CTNNA2: variants seen among roughly 807,000 people sequenced by gnomAD.
CTNNA2 encodes the protein catenin alpha 2.
Under a neutral mutation model 101.0 loss-of-function variants are expected in CTNNA2, and 42 were observed. The observed-to-expected ratio is 0.42, with a 90% confidence interval of 0.32 to 0.54. The LOEUF (loss-of-function observed/expected upper bound fraction) is 0.54. Ranked by LOEUF, CTNNA2 falls within the 20% of genes least tolerant of loss-of-function variation. The probability of loss-of-function intolerance (pLI) is 0.14; values close to 1 mark genes in which losing one functional copy is unlikely to be tolerated. For missense variants in CTNNA2, 871 were observed against 1,223.1 expected (o/e 0.71, Z 4.29); for synonymous variants, 450 against 456.4 (o/e 0.99, Z 0.18).
chr2:79,562,334 A>G (rs2104138804), intron 1 of CTNNA2, among the ~76,000 whole-genome samples: 1 of 152,138 alleles, frequency 6.6e-6, no homozygotes, highest in Admixed American at 6.6e-5. Flanking sequence ...GTAAATTTTG[A>G]AATAACTCTT....
At chr2:79,976,757 A>G (rs900509356) in intron 7 of CTNNA2, among the ~76,000 whole-genome samples, 2 of 152,186 alleles carry the variant, frequency 1.3e-5, no homozygotes, top group Admixed American at 6.5e-5. Flanking sequence ...TTCCTTGGTG[A>G]AGGTGTTTGC....
chr2:80,036,068 A>G (rs1558748227), intron 7 of CTNNA2, among the ~76,000 whole-genome samples: 3 of 152,214 alleles, frequency 2.0e-5, no homozygotes, highest in African/African-American at 7.2e-5. Flanking sequence ...TCAGGGTTTG[A>G]GGAACTGGGG....
At chr2:79,242,718 A>G (rs1173331254) in intron 2 of CTNNA2, among the ~76,000 whole-genome samples, 1 of 152,104 alleles carries the variant, frequency 6.6e-6, no homozygotes, top group African/African-American at 2.4e-5. Context: ...CTATAATCTC[A>G]GCACCGTGGG....
At chr2:79,589,360 A>G (rs1676697321) in intron 1 of CTNNA2, among the ~76,000 whole-genome samples, 1 of 152,228 alleles carries the variant, frequency 6.6e-6, no homozygotes, top group Non-Finnish European at 1.5e-5. Flanking sequence ...CGTAAAAGAA[A>G]TAATTGGTCA....
chr2:79,892,271 T>C lies in CTNNA2; in HGVS notation c.853-17323T>C, dbSNP rs1342818763. ...GCTTGCTAGTTTTGCCTAGTTTAAG[T>C]ATTAATTTAATGGAAGGCTATGTAT... On this transcript the variant is annotated intron_variant, in intron 6 of 18. Coordinates refer to ENST00000402739, the MANE Select transcript of CTNNA2 (RefSeq NM_001282597.3). Among the ~76,000 whole-genome samples, 5 of 152,192 alleles carry C rather than the reference T, an allele frequency of 3.3e-5. No individual in the cohort carries two copies. In the East Asian group the frequency reaches 9.6e-4, roughly 29 times the overall value.
intron 2 of CTNNA2, among the ~76,000 whole-genome samples, chr2:79,734,311 T>G (rs766297680): frequency 2.6e-5 from 4 of 152,160 alleles, no homozygotes; most frequent in Non-Finnish European, 4.4e-5. Flanking sequence ...TAGGATAACC[T>G]AGGTTGGCAA....
At chr2:79,835,639 T>C (rs1043098187) in intron 3 of CTNNA2, among the ~76,000 whole-genome samples, 4 of 150,546 alleles carry the variant, frequency 2.7e-5, no homozygotes, top group Non-Finnish European at 5.9e-5. Flanking sequence ...CCTTGCCACT[T>C]TCTGTGCTGC....
At chr2:80,060,082 T>G (rs1484467) in intron 7 of CTNNA2, among the ~76,000 whole-genome samples, 3,434 of 152,320 alleles carry the variant, frequency 0.023, 131 homozygotes, top group African/African-American at 0.079. Flanking sequence ...AGAATGAGCA[T>G]GGGAGAGTCA....
At chr2:79,231,265 C>T (rs1400662256) in intron 2 of CTNNA2, among the ~76,000 whole-genome samples, 2 of 152,182 alleles carry the variant, frequency 1.3e-5, no homozygotes, top group African/African-American at 4.8e-5. Context: ...TGGGGGGTAA[C>T]TGAATCATGG....
At chr2:80,203,966 G>T (rs2149022667) in intron 7 of CTNNA2, among the ~76,000 whole-genome samples, 1 of 152,316 alleles carries the variant, frequency 6.6e-6, no homozygotes, top group East Asian at 1.9e-4. Context: ...TGTGGAAGCT[G>T]CCAAGGCTTG....
At chr2:80,410,335 C>G (rs1335229271) in intron 8 of CTNNA2, among the ~76,000 whole-genome samples, 1 of 152,214 alleles carries the variant, frequency 6.6e-6, no homozygotes, top group Non-Finnish European at 1.5e-5. Flanking sequence ...GATCTATTGA[C>G]TGCATTCCTT....
At chr2:79,856,843 A>G (rs1026943715) in intron 3 of CTNNA2, among the ~76,000 whole-genome samples, 2 of 152,154 alleles carry the variant, frequency 1.3e-5, no homozygotes, top group Admixed American at 1.3e-4. Flanking sequence ...TCCTTGGTCC[A>G]GGCTCTCACC....
At chr2:80,517,755 T>C (rs1689215288) in intron 9 of CTNNA2, among the ~76,000 whole-genome samples, 1 of 152,190 alleles carries the variant, frequency 6.6e-6, no homozygotes, top group South Asian at 2.1e-4. Context: ...ATCGTTTTAA[T>C]AACATTGGAG....
intron 5 of CTNNA2, 98 bp downstream of exon 5, chr2:79,870,033 G>A (rs923541664): frequency 7.0e-7 from 1 of 1,427,270 alleles, no homozygotes; most frequent in Non-Finnish European, 9.5e-7. Context: ...GCATCTGCTT[G>A]CTATCAAATG....
chr2:80,526,894 C>A (rs1690087237), intron 9 of CTNNA2, among the ~76,000 whole-genome samples: 1 of 152,166 alleles, frequency 6.6e-6, no homozygotes, highest in Non-Finnish European at 1.5e-5. Flanking sequence ...AAGAATCCTG[C>A]AAGAACTATG....
At chr2:80,562,014 C>A (rs1693647104) in intron 12 of CTNNA2, among the ~76,000 whole-genome samples, 1 of 151,864 alleles carries the variant, frequency 6.6e-6, no homozygotes, top group African/African-American at 2.4e-5. Flanking sequence ...AGGAGGTAGC[C>A]AAGTGGTTAA....
At chr2:80,222,799 G>A (rs1471731542) in intron 7 of CTNNA2, among the ~76,000 whole-genome samples, 4 of 152,108 alleles carry the variant, frequency 2.6e-5, no homozygotes, top group Non-Finnish European at 5.9e-5. Context: ...TCCCACCAAA[G>A]CACCTTCTTA....
chr2:80,490,681 C>T (rs1257316847), intron 9 of CTNNA2, among the ~76,000 whole-genome samples: 1 of 152,032 alleles, frequency 6.6e-6, no homozygotes, highest in Non-Finnish European at 1.5e-5. Context: ...ACCTATAGTA[C>T]ATTTTCTAAA....
intron 2 of CTNNA2, among the ~76,000 whole-genome samples, chr2:79,669,600 C>T (rs750930947): frequency 5.3e-5 from 8 of 152,180 alleles, no homozygotes; most frequent in African/African-American, 1.9e-4. Flanking sequence ...AGAGAAGGCC[C>T]TGGAGAGGGT....
Sources: gnomAD v4.1 joint callset for allele counts (sites outside exome capture counted in the v4.1 genomes callset) on GRCh38, gnomAD v4.1.1 for gene constraint, MANE v1.5 for transcripts, NCBI Gene and HGNC (gene_info 2026-07-23, HGNC 2026-07-21) for gene names.